The following FAM9B variants were observed in gnomAD, a reference collection of about 807,000 sequenced individuals.
The protein encoded by FAM9B is protein FAM9B.
FAM9B carries 18 observed loss-of-function variants against 16.6 expected under a neutral mutation model. That is an observed-to-expected ratio of 1.09 (90% confidence interval 0.75 to 1.61). FAM9B has a LOEUF of 1.61. Ranked by LOEUF, FAM9B falls within the 40% of genes most tolerant of loss-of-function variation. The pLI is 0.00. For synonymous variants in FAM9B, 43 were observed against 42.6 expected (o/e 1.01, Z -0.03); for missense variants, 155 against 136.0 (o/e 1.14, Z -0.70).
At chrX:9,033,219 T>C in intron 1 of FAM9B, 144 bp from the exon 2 acceptor site, 2 of 1,118,231 alleles carry the variant, frequency 1.8e-6, no homozygotes, top group Non-Finnish European at 2.4e-6. Flanking sequence ...AAGATGCCAG[T>C]GTCCCCTCCT....
At chrX:9,033,681 G>GGCCCCCCCCCC in intron 1 of FAM9B, 171 bp downstream of exon 1, 6 of 147,910 alleles carry the variant, frequency 4.1e-5, no homozygotes, top group Non-Finnish European at 6.5e-5. Flanking sequence ...CCCTGCCCTG[G>GGCCCCCCCCCC]CCCACCCCAG....
intron 4 of FAM9B, 85 bp downstream of exon 4, chrX:9,032,045 T>C (rs192781938): frequency 1.2e-6 from 1 of 852,838 alleles, no homozygotes; most frequent in East Asian, 3.2e-5. Flanking sequence ...GACAGTCTTG[T>C]CGTCCACTAA....
chrX:9,033,252 C>T (rs1921145745), intron 1 of FAM9B, 177 bp from the exon 2 acceptor site: 2 of 1,091,481 alleles, frequency 1.8e-6, no homozygotes, highest in East Asian at 3.3e-5. Flanking sequence ...CCAGCCCGTC[C>T]CCGGGGCTGG....
chrX:9,033,207 A>G (rs1921144023), intron 1 of FAM9B, 132 bp from the exon 2 acceptor site: 1 of 1,132,496 alleles, frequency 8.8e-7, no homozygotes, highest in Non-Finnish European at 1.2e-6. Context: ...GAAGGGACGG[A>G]AAAGATGCCA....
chrX:9,032,062 T>C (rs1436045834), intron 4 of FAM9B, 68 bp downstream of exon 4: 4 of 1,020,232 alleles, frequency 3.9e-6, no homozygotes, highest in Non-Finnish European at 5.4e-6. Context: ...CTAATTCATA[T>C]AACCTACTGC....
At position 9,027,932 on chromosome X, in the gene FAM9B, T is replaced by A; in HGVS notation, c.428A>T (p.Gln143Leu). The A allele has an allele frequency of 2.5e-6, 3 of 1,209,736 alleles. No individual in the cohort carries two copies. Among genetic ancestry groups the A allele is most frequent in the Non-Finnish European group, 3.4e-6 (3 of 894,004 alleles). The part of the protein sequence containing the change: ...IFQEQQKKWQ[Q>L]YRSVRRERLK... ...CCTCTCTCTCCTAACACTTCTATAT[T>A]GTTGCCACTTCTTCTGTTGTTCTTG... The change falls in exon 7 of 9, where the codon CAA becomes CTA. Residue 143 changes from glutamine (Q) to leucine (L), a missense_variant. Transcript: ENST00000327220.
At chrX:9,029,152 C>T (rs775133258) in intron 6 of FAM9B, among the ~76,000 whole-genome samples, 155 bp downstream of exon 6, 21 of 111,806 alleles carry the variant, frequency 1.9e-4, no homozygotes, top group South Asian at 3.7e-4. Flanking sequence ...CCTAATGCTG[C>T]GTGGCAATTA....
Position 9,032,883 on chromosome X carries a change from GCCCCCAGCGCAGAAAGCAGACAGACCGTC to G in FAM9B, c.28+47_28+75del, listed in dbSNP as rs760897197. The G allele has an allele frequency of 1.5e-5, 18 of 1,166,328 alleles. No homozygotes were observed. In the African/African-American group the frequency reaches 2.8e-4, roughly 18 times the overall value. On this transcript the variant is annotated intron_variant, in intron 2 of 8. Transcript: ENST00000327220. ...GCCTGGGGCCTCGGGCTGCCCCTGT[GCCCCCAGCGCAGAAAGCAGACAGACCGTC>G]CTCTTGGGCGTGCACCTTCTTCTGG...
At position 9,033,971 on chromosome X, in the gene FAM9B, C is replaced by T. The variant is rs779778890; in HGVS notation, c.-209G>A. ...AGGAGAATTGCTTGAACCCAGGAGG[C>T]GGAGGTTGCAGTGAGCCCAGATCAC... On this transcript the variant is annotated 5_prime_UTR_variant, in exon 1 of 9. Transcript: ENST00000327220. 2.1e-4 allele frequency: 148 copies of T among 702,318 alleles called. 1 individual carries two copies. The South Asian group carries it at 8.2e-3, about 39-fold the overall frequency. The allele number at this position is 702,318 out of a possible 1,213,427, so 57.9% of individuals were successfully genotyped here.
chrX:9,025,226 G>A lies in FAM9B; in HGVS notation c.*183C>T, dbSNP rs1268260084. 2.0e-5 allele frequency: 4 copies of A among 200,300 alleles called. No homozygotes were observed. The highest frequency in any genetic ancestry group is 1.8e-4 in the South Asian group (1 of 5,555). 16.5% of individuals were successfully genotyped at this position (200,300 alleles called of 1,213,427 possible). A position where few individuals can be genotyped will look rare whatever the true frequency, so the allele number is the denominator to read the frequency against. ...AGACGAGTGACAGAGGAGCTATACC[G>A]ATTTATACAACAATTATCAAAACAC... On this transcript the variant is annotated 3_prime_UTR_variant, in exon 9 of 9. Coordinates refer to ENST00000327220, the MANE Select transcript of FAM9B (RefSeq NM_205849.3).
At chrX:9,033,335 C>T (rs1921149528) in intron 1 of FAM9B, 2 of 1,042,076 alleles carry the variant, frequency 1.9e-6, no homozygotes, top group Non-Finnish European at 2.4e-6. Flanking sequence ...CCTTTTGGGA[C>T]AGAACTCAGC....
chrX:9,024,867 A>C lies in FAM9B; in HGVS notation c.*542T>G, dbSNP rs1287837925. ...CGGGTAATTTTGGTATTTTTAGCAG[A>C]GATGGGGTTTCACCATGTTGGCCAG... On this transcript the variant is annotated 3_prime_UTR_variant, in exon 9 of 9. Coordinates refer to ENST00000327220, the MANE Select transcript of FAM9B (RefSeq NM_205849.3). 1.8e-5 allele frequency: 2 copies of C among 111,986 alleles called. No homozygotes were observed. The highest frequency in any genetic ancestry group is 3.8e-5 in the Non-Finnish European group (2 of 53,287). The allele number at this position is 111,986 out of a possible 1,213,427, so 9.2% of individuals were successfully genotyped here.
At chrX:9,032,567 T>G in intron 2 of FAM9B, 106 bp from the exon 3 acceptor site, 1 of 402,559 alleles carries the variant, frequency 2.5e-6, no homozygotes, top group Non-Finnish European at 4.2e-6. Flanking sequence ...GGGGGGGGGC[T>G]CTCTGCCAAT....
At chrX:9,028,009 T>G (rs372662677) in intron 6 of FAM9B, 43 bp from the exon 7 acceptor site, 43 of 945,203 alleles carry the variant, frequency 4.5e-5, no homozygotes, top group Non-Finnish European at 6.2e-5. Context: ...TGGGTAAATT[T>G]TAATACTTAC....
chrX:9,024,673 G>A lies in FAM9B; in HGVS notation c.*736C>T, dbSNP rs1395307040. On this transcript the variant is annotated 3_prime_UTR_variant, in exon 9 of 9. Transcript: ENST00000327220. ...TACAAAAGAACGCACAGATAAGATAGCTTTTGTCTTCTTCTTCTTGTTTTC... is the reference window on the plus strand; with the variant it reads ...TACAAAAGAACGCACAGATAAGATAACTTTTGTCTTCTTCTTCTTGTTTTC... 8.9e-6 allele frequency: 1 copy of A among 111,828 alleles called. No homozygotes were observed. Among genetic ancestry groups the A allele is most frequent in the Non-Finnish European group, 1.9e-5 (1 of 53,119 alleles). The allele number at this position is 111,828 out of a possible 1,213,427, so 9.2% of individuals were successfully genotyped here. A position where few individuals can be genotyped will look rare whatever the true frequency, so the allele number is the denominator to read the frequency against.
chrX:9,030,514 C>T (rs1332545906), intron 4 of FAM9B, 154 bp from the exon 5 acceptor site: 6 of 381,318 alleles, frequency 1.6e-5, no homozygotes, highest in Non-Finnish European at 2.1e-5. Context: ...TTTCAAAAAG[C>T]AAGATTTACT....
At chrX:9,030,580 G>A in intron 4 of FAM9B, 2 of 275,494 alleles carry the variant, frequency 7.3e-6, no homozygotes, top group Non-Finnish European at 1.3e-5. Context: ...AATTCCAGTT[G>A]GTATAACTGA....
chrX:9,032,852 G>A (rs1921126532), intron 2 of FAM9B, 107 bp downstream of exon 2: 20 of 1,079,488 alleles, frequency 1.9e-5, no homozygotes, highest in Non-Finnish European at 2.5e-5. Flanking sequence ...CCAGAGCCAC[G>A]AAGGGGCCTG....
At chrX:9,033,330 T>A in intron 1 of FAM9B, 2 of 1,050,845 alleles carry the variant, frequency 1.9e-6, no homozygotes, top group Non-Finnish European at 2.4e-6. Flanking sequence ...GCCGCCCTTT[T>A]GGGACAGAAC....
Sources: gnomAD v4.1 joint callset for allele counts (sites outside exome capture counted in the v4.1 genomes callset) on GRCh38, gnomAD v4.1.1 for gene constraint, MANE v1.5 for transcripts, NCBI Gene and HGNC (gene_info 2026-07-23, HGNC 2026-07-21) for gene names.